Variants in PHACTR1 observed in about 807,000 individuals in gnomAD.
The protein encoded by PHACTR1 is phosphatase and actin regulator 1.
In PHACTR1, 16 loss-of-function variants were observed where a neutral mutation model predicts 69.2. That is an observed-to-expected ratio of 0.23 (90% CI 0.16 to 0.35). PHACTR1 has a LOEUF of 0.35. PHACTR1 is among the 10% of genes least tolerant of loss of function. The pLI, the probability that PHACTR1 is intolerant of heterozygous loss-of-function variation, is 1.00. For missense variants in PHACTR1, 510 were observed against 734.7 expected, an observed-to-expected ratio of 0.69 and a Z score of 3.54; for synonymous variants, 312 against 284.5, an observed-to-expected ratio of 1.10 and a Z score of -0.97.
Position 12,997,388 on chromosome 6 carries a change from T to C in PHACTR1, c.251-55977T>C, listed in dbSNP as rs565222315. On this transcript the variant is annotated intron_variant, in intron 4 of 14. Transcript: ENST00000332995. ...AGTAAATATATATTTAAAGCAAATA[T>C]ATATTGTATATATTTATATATAGAT... Among the ~76,000 whole-genome samples the C allele has an allele frequency of 1.6e-4, 23 of 147,930 alleles. 1 individual carries two copies. The South Asian group carries it at 2.1e-3, about 13-fold the overall frequency.
At chr6:13,120,602 T>G (rs1354198475) in intron 5 of PHACTR1, among the ~76,000 whole-genome samples, 1 of 152,136 alleles carries the variant, frequency 6.6e-6, no homozygotes, top group Non-Finnish European at 1.5e-5. Context: ...CGCTAGCCCT[T>G]GAGTGTGGGA....
chr6:13,074,978 TGAAA>T (rs1464985619), intron 5 of PHACTR1, among the ~76,000 whole-genome samples: 3 of 152,196 alleles, frequency 2.0e-5, no homozygotes, highest in African/African-American at 7.2e-5. Flanking sequence ...TGCAAAAACA[TGAAA>T]GAAACATTTG....
chr6:13,268,807 C>G (rs898904896), intron 10 of PHACTR1, among the ~76,000 whole-genome samples: 1 of 152,214 alleles, frequency 6.6e-6, no homozygotes, highest in African/African-American at 2.4e-5. Context: ...TTCTGGCGGG[C>G]TCAGCTGCAT....
At chr6:12,851,650 C>G (rs1315631313) in intron 4 of PHACTR1, among the ~76,000 whole-genome samples, 1 of 152,096 alleles carries the variant, frequency 6.6e-6, no homozygotes, top group Admixed American at 6.5e-5. Context: ...TTCCCAAATC[C>G]TTAATAATCT....
At chr6:12,746,210 G>A (rs749526361) in intron 3 of PHACTR1, among the ~76,000 whole-genome samples, 49 of 152,152 alleles carry the variant, frequency 3.2e-4, no homozygotes, top group Non-Finnish European at 6.2e-4. Flanking sequence ...TCAAGAAATG[G>A]AAGATAACAA....
At chr6:13,270,953 A>G (rs1207169634) in intron 10 of PHACTR1, among the ~76,000 whole-genome samples, 1 of 152,120 alleles carries the variant, frequency 6.6e-6, no homozygotes, top group African/African-American at 2.4e-5. Context: ...ATCACATGGC[A>G]AAAGCAGGAG....
intron 5 of PHACTR1, among the ~76,000 whole-genome samples, chr6:13,066,399 T>C (rs557012972): frequency 6.6e-6 from 1 of 152,306 alleles, no homozygotes; most frequent in African/African-American, 2.4e-5. Flanking sequence ...GGAGGTAGGG[T>C]ACTTATGGAT....
chr6:13,260,489 C>T (rs979987022), intron 10 of PHACTR1, among the ~76,000 whole-genome samples: 11 of 152,154 alleles, frequency 7.2e-5, no homozygotes, highest in Admixed American at 6.5e-4. Flanking sequence ...ATGTCCTCCC[C>T]GCCTCCCAAC....
intron 4 of PHACTR1, among the ~76,000 whole-genome samples, chr6:12,891,116 T>C (rs1444033742): frequency 6.6e-6 from 1 of 152,230 alleles, no homozygotes; most frequent in Non-Finnish European, 1.5e-5. Context: ...AAATGAAAGT[T>C]AAATTTTTTT....
At chr6:12,816,480 C>T (rs1490622097) in intron 4 of PHACTR1, among the ~76,000 whole-genome samples, 4 of 152,192 alleles carry the variant, frequency 2.6e-5, no homozygotes, top group Non-Finnish European at 4.4e-5. Flanking sequence ...AGAATCATTA[C>T]TCTGAGACAT....
chr6:13,117,719 T>A (rs894194179), intron 5 of PHACTR1, among the ~76,000 whole-genome samples: 5 of 152,218 alleles, frequency 3.3e-5, no homozygotes, highest in Non-Finnish European at 5.9e-5. Context: ...CCTTATAATT[T>A]TAGCCTGCAC....
intron 4 of PHACTR1, among the ~76,000 whole-genome samples, chr6:12,828,331 T>C (rs1777029222): frequency 6.6e-6 from 1 of 152,220 alleles, no homozygotes; most frequent in South Asian, 2.1e-4. Context: ...AGCGTGTTTA[T>C]ATGTATTCAG....
At chr6:13,075,011 A>G (rs1810200739) in intron 5 of PHACTR1, among the ~76,000 whole-genome samples, 1 of 152,198 alleles carries the variant, frequency 6.6e-6, no homozygotes, top group Non-Finnish European at 1.5e-5. Flanking sequence ...GATCATTGGG[A>G]AATAGAATTG....
At chr6:13,138,107 A>G (rs1035227461) in intron 5 of PHACTR1, among the ~76,000 whole-genome samples, 1 of 152,226 alleles carries the variant, frequency 6.6e-6, no homozygotes, top group Non-Finnish European at 1.5e-5. Flanking sequence ...AGGAGTCCTC[A>G]TAAGCACTGG....
chr6:12,998,928 T>A (rs1445892401), intron 4 of PHACTR1, among the ~76,000 whole-genome samples: 1 of 152,196 alleles, frequency 6.6e-6, no homozygotes, highest in Non-Finnish European at 1.5e-5. Flanking sequence ...CCCAGCATTC[T>A]GAAAACCCAA....
At chr6:13,079,036 T>C (rs564539665) in intron 5 of PHACTR1, among the ~76,000 whole-genome samples, 2 of 152,336 alleles carry the variant, frequency 1.3e-5, no homozygotes, top group East Asian at 1.9e-4. Flanking sequence ...ATCACCTTGT[T>C]GAAAAGAAAA....
rs892381433 is a variant in PHACTR1, at chr6:12,999,831, G to C, written c.251-53534G>C. 2.0e-5 allele frequency among the ~76,000 whole-genome samples: 3 copies of C among 152,144 alleles called. No homozygotes were observed. The East Asian group carries it at 5.8e-4, about 29-fold the overall frequency. On this transcript the variant is annotated intron_variant, in intron 4 of 14. Coordinates refer to ENST00000332995, the MANE Select transcript of PHACTR1 (RefSeq NM_030948.6). ...GAAAAGGGAGCATCCGTGATGTTTG[G>C]CTATATCTGTAATTTGTATTCCTTT...
At chr6:12,855,682 C>T (rs547864947) in intron 4 of PHACTR1, among the ~76,000 whole-genome samples, 7 of 152,180 alleles carry the variant, frequency 4.6e-5, no homozygotes, top group Admixed American at 2.0e-4. Context: ...TGAAAATCTT[C>T]CTATTGGGTA....
chr6:13,214,675 C>T (rs781184435), intron 8 of PHACTR1, among the ~76,000 whole-genome samples: 2 of 152,118 alleles, frequency 1.3e-5, no homozygotes, highest in East Asian at 1.9e-4. Flanking sequence ...AAAGGCAATG[C>T]GGGTACATTC....
Sources: gnomAD v4.1 joint callset for allele counts (sites outside exome capture counted in the v4.1 genomes callset) on GRCh38, gnomAD v4.1.1 for gene constraint, MANE v1.5 for transcripts, NCBI Gene and HGNC (gene_info 2026-07-23, HGNC 2026-07-21) for gene names.